The following C3orf70 variants were observed in gnomAD, a reference collection of about 807,000 sequenced individuals.
The protein encoded by C3orf70 is UPF0524 protein C3orf70.
C3orf70 carries 15 observed loss-of-function variants against 20.7 expected under a neutral mutation model. The observed-to-expected ratio is 0.72, with a 90% CI of 0.48 to 1.11. The LOEUF (loss-of-function observed/expected upper bound fraction) is 1.11. C3orf70 is among the 50% of genes most tolerant of loss of function. C3orf70 has a pLI of 0.00. For synonymous variants in C3orf70, 161 were observed against 125.7 expected, an observed-to-expected ratio of 1.28 and a Z score of -1.88; for missense variants, 332 against 317.6, an observed-to-expected ratio of 1.05 and a Z score of -0.34.
intron 1 of C3orf70, among the ~76,000 whole-genome samples, chr3:185,129,450 C>T (rs558860554): frequency 7.3e-4 from 111 of 152,144 alleles, no homozygotes; most frequent in African/African-American, 2.6e-3. Flanking sequence ...GGGTATGTAC[C>T]ACATTTTCCT....
chr3:185,095,006 C>T (rs1412993597), intron 1 of C3orf70, among the ~76,000 whole-genome samples: 1 of 152,112 alleles, frequency 6.6e-6, no homozygotes, highest in African/African-American at 2.4e-5. Flanking sequence ...GGGAAAGAGG[C>T]ATAAATAGGG....
Position 185,103,451 on chromosome 3 carries a change from AT to A in C3orf70, c.197-19889del, listed in dbSNP as rs202018098. Among the ~76,000 whole-genome samples the A allele has an allele frequency of 2.5e-3, 384 of 152,282 alleles. 1 individual carries two copies. The highest frequency in any genetic ancestry group is 9.1e-3 in the African/African-American group (377 of 41,554). On this transcript the variant is annotated intron_variant, in intron 1 of 1. Transcript: ENST00000335012. The stretch of plus-strand genomic sequence containing the variant: ...GGGAGAAGATTTTTGCAAACTATAC[AT>A]CTGACGAAGGTCTAATATCCATCAT...
chr3:185,146,275 C>CTTT (rs1431009979), intron 1 of C3orf70, among the ~76,000 whole-genome samples: 2 of 114,390 alleles, frequency 1.7e-5, no homozygotes, highest in African/African-American at 6.7e-5. Context: ...TTACAACTCT[C>CTTT]ATTTTTTTTT....
At chr3:185,098,973 CA>C (rs1577321451) in intron 1 of C3orf70, among the ~76,000 whole-genome samples, 1 of 152,212 alleles carries the variant, frequency 6.6e-6, no homozygotes, top group East Asian at 1.9e-4. Context: ...TCTCTATAAT[CA>C]CGTGAGCCAA....
At chr3:185,107,105 G>C (rs1277516181) in intron 1 of C3orf70, among the ~76,000 whole-genome samples, 1 of 152,212 alleles carries the variant, frequency 6.6e-6, no homozygotes, top group African/African-American at 2.4e-5. Context: ...TTCAGGGAAA[G>C]AAATTTAAAG....
chr3:185,134,125 A>ATATATATATATT (rs71298570), intron 1 of C3orf70, among the ~76,000 whole-genome samples: 1 of 145,822 alleles, frequency 6.9e-6, no homozygotes, highest in Admixed American at 6.7e-5. Flanking sequence ...TCATATATAT[A>ATATATATATATT]TAGAGGAGAT....
Position 185,152,816 on chromosome 3 carries a change from G to C in C3orf70, c.8C>G (p.Ala3Gly), listed in dbSNP as rs771292100. The C allele has an allele frequency of 1.9e-6, 3 of 1,557,788 alleles. No individual in the cohort carries two copies. The Admixed American group carries it at 5.5e-5, about 28-fold the overall frequency. Residue 3 changes from alanine (A) to glycine (G), a missense_variant, in exon 1 of 2, where the codon GCG becomes GGG. Physicochemically the swap from Ala to Gly is moderately conservative, Grantham distance 60. Coordinates refer to ENST00000335012, the MANE Select transcript of C3orf70 (RefSeq NM_001025266.3). MS[A>G]AASPASERGW... Reference sequence around the variant, plus strand: ...CCGCTCCGACGCCGGCGAGGCCGCCGCACTCATTTCCTCTCCCTCCGCGCG... The same window carrying C: ...CCGCTCCGACGCCGGCGAGGCCGCCCCACTCATTTCCTCTCCCTCCGCGCG...
chr3:185,138,861 A>T lies in C3orf70; in HGVS notation c.196+13767T>A, dbSNP rs1716682933. Among the ~76,000 whole-genome samples, 3 of 152,218 alleles carry T rather than the reference A, an allele frequency of 2.0e-5. No homozygotes were observed. The South Asian group carries it at 6.2e-4, about 32-fold the overall frequency. On this transcript the variant is annotated intron_variant, in intron 1 of 1. Coordinates refer to ENST00000335012, the MANE Select transcript of C3orf70 (RefSeq NM_001025266.3). ...ACACCTGTAATCCCAACACTCTGAG[A>T]GGCCAAGGTGGGAGGACTGCTTGAG...
chr3:185,152,730 T>C lies in C3orf70; in HGVS notation c.94A>G (p.Arg32Gly). 2 of 1,593,980 alleles carry C rather than the reference T, an allele frequency of 1.3e-6. No homozygotes were observed. Among genetic ancestry groups the C allele is most frequent in the Non-Finnish European group, 1.7e-6 (2 of 1,170,932 alleles). The change falls in exon 1 of 2, where the codon AGA (arginine) becomes GGA (glycine). Residue 32 changes from arginine to glycine, a missense_variant. Transcript: ENST00000335012. ...CCGTCGCACGGCTGGAAGTCGGGTC[T>C]GCGGGCGGCGCAACTCCGCGCCAGG... ...QALARSCAAR[R>G]PDFQPCDGLS...
intron 1 of C3orf70, among the ~76,000 whole-genome samples, chr3:185,103,295 G>A (rs774799156): frequency 2.6e-5 from 4 of 152,002 alleles, no homozygotes; most frequent in African/African-American, 7.3e-5. Context: ...ACATAGGAAC[G>A]GGCAAAGATT....
intron 1 of C3orf70, among the ~76,000 whole-genome samples, chr3:185,105,072 A>G (rs1031213480): frequency 8.5e-5 from 13 of 152,262 alleles, no homozygotes; most frequent in Non-Finnish European, 1.6e-4. Context: ...TAATGTAGAA[A>G]GTATCAATTA....
chr3:185,152,690 G>T lies in C3orf70; in HGVS notation c.134C>A (p.Ala45Asp). ...GAAGCACTTGCCATGGCTGTGCGTG[G>T]CACAGATAGACAGCCCGTCGCACGG... ...FQPCDGLSIC[A>D]THSHGKCFKL... The change falls in exon 1 of 2, where the codon GCC (alanine) becomes GAC (aspartate). Residue 45 changes from alanine to aspartate, a missense_variant. Coordinates refer to ENST00000335012, the MANE Select transcript of C3orf70 (RefSeq NM_001025266.3). 6.3e-7 allele frequency: 1 copy of T among 1,593,990 alleles called. No individual in the cohort carries two copies. Among genetic ancestry groups the T allele is most frequent in the Non-Finnish European group, 8.5e-7 (1 of 1,170,622 alleles).
chr3:185,101,334 C>T (rs1299534830), intron 1 of C3orf70, among the ~76,000 whole-genome samples: 1 of 152,158 alleles, frequency 6.6e-6, no homozygotes. Flanking sequence ...TTATCCACCA[C>T]GATCAAGTAG....
chr3:185,089,664 A>T (rs1433449253), intron 1 of C3orf70, among the ~76,000 whole-genome samples: 6 of 152,264 alleles, frequency 3.9e-5, no homozygotes, highest in African/African-American at 1.2e-4. Flanking sequence ...ATATAAAAAT[A>T]TCACAAACTC....
At chr3:185,140,409 T>C (rs1716727207) in intron 1 of C3orf70, among the ~76,000 whole-genome samples, 1 of 152,108 alleles carries the variant, frequency 6.6e-6, no homozygotes, top group African/African-American at 2.4e-5. Flanking sequence ...AAGACATGGA[T>C]AGACATTTCA....
chr3:185,104,865 T>A (rs1456723852), intron 1 of C3orf70, among the ~76,000 whole-genome samples: 1 of 152,076 alleles, frequency 6.6e-6, no homozygotes, highest in Non-Finnish European at 1.5e-5. Context: ...AACTAATAGG[T>A]ACTAGGTTTA....
chr3:185,128,285 T>C (rs543277935), intron 1 of C3orf70, among the ~76,000 whole-genome samples: 5 of 152,028 alleles, frequency 3.3e-5, no homozygotes, highest in Admixed American at 3.3e-4. Context: ...TCCCAGCACT[T>C]TGGGAGGCGA....
At chr3:185,137,924 A>T (rs1577333817) in intron 1 of C3orf70, among the ~76,000 whole-genome samples, 1 of 152,130 alleles carries the variant, frequency 6.6e-6, no homozygotes, top group East Asian at 1.9e-4. Context: ...CATTAAACAG[A>T]AAAACTGACA....
At chr3:185,144,535 A>C (rs571104238) in intron 1 of C3orf70, among the ~76,000 whole-genome samples, 27 of 152,270 alleles carry the variant, frequency 1.8e-4, no homozygotes, top group African/African-American at 6.3e-4. Context: ...GCAGTGGCAC[A>C]ATCTCGACTC....
Sources: allele counts gnomAD v4.1 joint callset (sites outside exome capture counted in the v4.1 genomes callset), GRCh38; gene constraint gnomAD v4.1.1; transcripts MANE v1.5; gene names NCBI Gene and HGNC (gene_info 2026-07-23, HGNC 2026-07-21).